GREB1L: variants seen among roughly 807,000 people sequenced by gnomAD.
GREB1L encodes the protein GREB1-like protein.
A neutral mutation model predicts 200.8 loss-of-function variants in GREB1L; 17 were observed. The ratio of observed to expected loss-of-function variants is 0.08; its 90% confidence interval spans 0.06 to 0.13. The LOEUF is 0.13. GREB1L is among the 10% of genes least tolerant of loss of function. The pLI, the probability that GREB1L is intolerant of heterozygous loss-of-function variation, is 1.00. For missense variants in GREB1L, 1,657 were observed against 2,367.7 expected, an observed-to-expected ratio of 0.70 and a Z score of 6.23; for synonymous variants, 789 against 893.0, an observed-to-expected ratio of 0.88 and a Z score of 2.08.
intron 15 of GREB1L, among the ~76,000 whole-genome samples, chr18:21,471,555 G>A (rs1017851645): frequency 6.6e-6 from 1 of 151,948 alleles, no homozygotes. Context: ...AAGTGGCATG[G>A]CACACAGTAG....
chr18:21,345,871 CAAAA>C (rs34189374), intron 1 of GREB1L, among the ~76,000 whole-genome samples: 1 of 76,172 alleles, frequency 1.3e-5, no homozygotes, highest in Non-Finnish European at 2.7e-5. Flanking sequence ...GACTCCATCT[CAAAA>C]AAAAAAAAAA....
At chr18:21,386,813 T>G (rs1283350201) in intron 4 of GREB1L, among the ~76,000 whole-genome samples, 4 of 152,168 alleles carry the variant, frequency 2.6e-5, no homozygotes, top group Non-Finnish European at 5.9e-5. Context: ...CCAGTAGCTC[T>G]TTCAATTGAA....
intron 5 of GREB1L, among the ~76,000 whole-genome samples, chr18:21,398,311 C>T (rs538394868): frequency 6.6e-6 from 1 of 152,276 alleles, no homozygotes; most frequent in South Asian, 2.1e-4. Flanking sequence ...GGGCCATTAA[C>T]GCCTACCTTG....
intron 4 of GREB1L, among the ~76,000 whole-genome samples, chr18:21,393,889 C>G (rs1264354801): frequency 6.6e-6 from 1 of 152,192 alleles, no homozygotes; most frequent in Admixed American, 6.5e-5. Flanking sequence ...TACTTTTATT[C>G]AGCCTTTCTC....
intron 2 of GREB1L, among the ~76,000 whole-genome samples, chr18:21,379,994 G>A (rs1346878707): frequency 6.6e-6 from 1 of 152,036 alleles, no homozygotes; most frequent in Non-Finnish European, 1.5e-5. Context: ...ATTGGGTATT[G>A]TACATTTTGA....
At chr18:21,484,681 G>C (rs1276062831) in intron 17 of GREB1L, among the ~76,000 whole-genome samples, 1 of 152,194 alleles carries the variant, frequency 6.6e-6, no homozygotes, top group South Asian at 2.1e-4. Context: ...AAATTAGCTG[G>C]GCGTGGTGGT....
intron 1 of GREB1L, among the ~76,000 whole-genome samples, chr18:21,311,068 G>C (rs2038782279): frequency 6.6e-6 from 1 of 152,208 alleles, no homozygotes; most frequent in African/African-American, 2.4e-5. Context: ...AGGAGTGATG[G>C]AGGGTGAGGA....
At chr18:21,434,744 C>G (rs291788) in intron 7 of GREB1L, among the ~76,000 whole-genome samples, 3 of 151,700 alleles carry the variant, frequency 2.0e-5, no homozygotes, top group Admixed American at 2.0e-4. Flanking sequence ...GCATGCATCA[C>G]GTGGTAACTT....
chr18:21,352,792 G>A (rs1254210333), intron 1 of GREB1L, among the ~76,000 whole-genome samples: 1 of 151,780 alleles, frequency 6.6e-6, no homozygotes, highest in Non-Finnish European at 1.5e-5. Context: ...GAGCATAAAG[G>A]GAAAAATTTA....
intron 7 of GREB1L, among the ~76,000 whole-genome samples, chr18:21,437,029 A>C (rs1366446075): frequency 6.6e-6 from 1 of 152,138 alleles, no homozygotes; most frequent in Non-Finnish European, 1.5e-5. Flanking sequence ...TGGTAGAAGA[A>C]ATTTTAAGAG....
chr18:21,493,894 G>A (rs1189350970), intron 19 of GREB1L, among the ~76,000 whole-genome samples: 1,321 of 21,038 alleles, frequency 0.063, 2 homozygotes, highest in Non-Finnish European at 0.087. Flanking sequence ...AAAAAAAAAA[G>A]TCCTCATACA....
chr18:21,385,140 A>C (rs2040486238), intron 4 of GREB1L, among the ~76,000 whole-genome samples: 1 of 152,182 alleles, frequency 6.6e-6, no homozygotes, highest in African/African-American at 2.4e-5. Context: ...TTCATGAATA[A>C]TACTTTGTCC....
intron 1 of GREB1L, among the ~76,000 whole-genome samples, chr18:21,298,089 A>C (rs1465120183): frequency 2.0e-5 from 3 of 152,210 alleles, no homozygotes; most frequent in Non-Finnish European, 2.9e-5. Context: ...AGCCCTCAAA[A>C]GGGAACCCAC....
At position 21,384,351 on chromosome 18, in the gene GREB1L, A is replaced by G. The variant is rs1465161497; in HGVS notation, c.303A>G (p.Pro101=). Residue 101 remains proline, a synonymous_variant, in exon 4 of 33, where the codon CCA becomes CCG. Coordinates refer to ENST00000424526, the MANE Select transcript of GREB1L (RefSeq NM_001142966.3). ...AAGAAATGTCTGATTCAAACAGCCC[A>G]CCAATTCCCTATTCACAAAAACCTG... ...DDEEMSDSNS[P]PIPYSQKPAP... is the part of the protein sequence containing the mutation. The G allele has an allele frequency of 1.3e-6, 2 of 1,551,944 alleles. No homozygotes were observed. The highest frequency in any genetic ancestry group is 1.2e-5 in the South Asian group (1 of 84,032).
chr18:21,459,619 G>C (rs2034946572), intron 15 of GREB1L, among the ~76,000 whole-genome samples: 1 of 151,942 alleles, frequency 6.6e-6, no homozygotes, highest in South Asian at 2.1e-4. Flanking sequence ...AGATTTTCTT[G>C]TGGCAGAGCT....
chr18:21,301,827 C>A (rs113084728), intron 1 of GREB1L, among the ~76,000 whole-genome samples: 3,437 of 152,196 alleles, frequency 0.023, 70 homozygotes, highest in Non-Finnish European at 0.038. Flanking sequence ...TTAAAAATGG[C>A]CAGTTCTAAT....
chr18:21,303,424 A>T (rs970123739), intron 1 of GREB1L, among the ~76,000 whole-genome samples: 3 of 152,252 alleles, frequency 2.0e-5, no homozygotes, highest in Admixed American at 6.5e-5. Context: ...ATATATTGGA[A>T]ATAAATGTTT....
intron 1 of GREB1L, among the ~76,000 whole-genome samples, chr18:21,315,997 G>C (rs2038862371): frequency 6.6e-6 from 1 of 152,218 alleles, no homozygotes; most frequent in Non-Finnish European, 1.5e-5. Context: ...TGCCCTCGGG[G>C]ATAGGCCTGA....
intron 31 of GREB1L, 84 bp downstream of exon 31, chr18:21,518,318 T>G: frequency 7.9e-7 from 1 of 1,261,364 alleles, no homozygotes; most frequent in South Asian, 1.5e-5. Flanking sequence ...AAGGAGCCTG[T>G]GACATGAAAT....
Sources: gnomAD v4.1 joint callset for allele counts (sites outside exome capture counted in the v4.1 genomes callset) on GRCh38, gnomAD v4.1.1 for gene constraint, MANE v1.5 for transcripts, NCBI Gene and HGNC (gene_info 2026-07-23, HGNC 2026-07-21) for gene names.